The following GALNT18 variants were observed in gnomAD, a reference collection of about 807,000 sequenced individuals.
The protein encoded by GALNT18 is GalNAc-transferase 18.
A neutral mutation model predicts 69.5 loss-of-function variants in GALNT18; 44 were observed. The observed-to-expected ratio is 0.63, with a 90% CI of 0.50 to 0.81. GALNT18 has a LOEUF of 0.81. GALNT18 is among the 40% of genes least tolerant of loss of function. The probability of loss-of-function intolerance (pLI) is 0.00; values close to 1 mark genes in which losing one functional copy is unlikely to be tolerated. For synonymous variants in GALNT18, 364 were observed against 318.2 expected (o/e 1.14, Z -1.53); for missense variants, 715 against 810.0 (o/e 0.88, Z 1.42).
chr11:11,533,514 A>G (rs1857701184), intron 1 of GALNT18, among the ~76,000 whole-genome samples: 1 of 152,206 alleles, frequency 6.6e-6, no homozygotes, highest in African/African-American at 2.4e-5. Context: ...GTTCGCTCAG[A>G]GACAGACACA....
intron 1 of GALNT18, among the ~76,000 whole-genome samples, chr11:11,559,553 T>C (rs552894160): frequency 2.0e-5 from 3 of 152,006 alleles, no homozygotes; most frequent in Non-Finnish European, 2.9e-5. Context: ...TGGGATATGA[T>C]GGGATGGGAT....
chr11:11,321,355 C>G (rs1193593771), intron 9 of GALNT18, among the ~76,000 whole-genome samples: 1 of 152,174 alleles, frequency 6.6e-6, no homozygotes, highest in Admixed American at 6.5e-5. Context: ...TTAATGGTGA[C>G]TGTACAGTGT....
At chr11:11,419,884 T>A (rs2133772187) in intron 3 of GALNT18, among the ~76,000 whole-genome samples, 1 of 152,198 alleles carries the variant, frequency 6.6e-6, no homozygotes, top group Non-Finnish European at 1.5e-5. Flanking sequence ...CTGGAACACC[T>A]GTCTACTTGC....
chr11:11,570,116 G>A (rs1399651961), intron 1 of GALNT18: 1 of 152,324 alleles, frequency 6.6e-6, no homozygotes, highest in Non-Finnish European at 1.5e-5. Context: ...CTGGAAAAGA[G>A]AACTCCATCT....
At chr11:11,400,913 AGT>A (rs1854448578) in intron 3 of GALNT18, among the ~76,000 whole-genome samples, 1 of 152,076 alleles carries the variant, frequency 6.6e-6, no homozygotes, top group African/African-American at 2.4e-5. Flanking sequence ...TGATCCAAAG[AGT>A]GTTAAATTTT....
intron 8 of GALNT18, among the ~76,000 whole-genome samples, chr11:11,330,417 C>T (rs924853736): frequency 1.3e-5 from 2 of 152,198 alleles, no homozygotes; most frequent in Admixed American, 6.5e-5. Context: ...CAGCCAGTTG[C>T]CCCCATTAAG....
intron 6 of GALNT18, among the ~76,000 whole-genome samples, chr11:11,345,116 G>A (rs955682222): frequency 2.6e-5 from 4 of 152,144 alleles, no homozygotes; most frequent in Admixed American, 6.5e-5. Context: ...GGTACACAAC[G>A]CTCCCTTCTC....
chr11:11,554,956 C>T (rs2133974356), intron 1 of GALNT18, among the ~76,000 whole-genome samples: 1 of 152,334 alleles, frequency 6.6e-6, no homozygotes, highest in South Asian at 2.1e-4. Flanking sequence ...CCTGCGCAGC[C>T]TCCTGGGAAG....
intron 1 of GALNT18, among the ~76,000 whole-genome samples, chr11:11,483,391 C>T (rs1412279809): frequency 6.6e-6 from 1 of 152,214 alleles, no homozygotes; most frequent in African/African-American, 2.4e-5. Context: ...TCTGAAGTCT[C>T]CTCATCACAT....
At position 11,383,090 on chromosome 11, in the gene GALNT18, T is replaced by C. The variant is rs1200028364; in HGVS notation, c.596-3826A>G. ...TGGAGGGACCTCTGTAAACCAGCAC[T>C]ACCAGAAGCAGTGATGAAACACCAC... On this transcript the variant is annotated intron_variant, in intron 3 of 10. Transcript: ENST00000227756. The surrounding 1 kb of genome is among the most constrained non-coding windows in gnomAD (Gnocchi z 5.2). Among the ~76,000 whole-genome samples the C allele has an allele frequency of 6.6e-6, 1 of 152,166 alleles. No homozygotes were observed. The highest frequency in any genetic ancestry group is 2.4e-5 in the African/African-American group (1 of 41,434).
At chr11:11,570,610 C>T (rs538531994) in intron 1 of GALNT18, among the ~76,000 whole-genome samples, 1 of 152,342 alleles carries the variant, frequency 6.6e-6, no homozygotes, top group South Asian at 2.1e-4. Flanking sequence ...AAAGCTCCCC[C>T]TGGCCACCCC....
rs1420377095 is a variant in GALNT18 at position 11,496,629 on chromosome 11, G to A, written c.236-47693C>T. On this transcript the variant is annotated intron_variant, in intron 1 of 10. Coordinates refer to ENST00000227756, the MANE Select transcript of GALNT18 (RefSeq NM_198516.3). This position sits in a 1 kb window ranked among gnomAD's most constrained non-coding sequence, Gnocchi z 4.0. ...TGAAGGGCTACCACACAGAGGGTGG[G>A]AAGAAGGAAAGACTGCACCAGGAAG... Among the ~76,000 whole-genome samples the A allele has an allele frequency of 6.6e-6, 1 of 152,000 alleles. No homozygotes were observed. Among genetic ancestry groups the A allele is most frequent in the Non-Finnish European group, 1.5e-5 (1 of 68,000 alleles).
At position 11,550,697 on chromosome 11, in the gene GALNT18, C is replaced by T. The variant is rs967072910; in HGVS notation, c.235+70662G>A. Among the ~76,000 whole-genome samples the T allele has an allele frequency of 8.5e-5, 13 of 152,190 alleles. No homozygotes were observed. The East Asian group carries it at 9.6e-4, about 11-fold the overall frequency. ...AGCAGCATTATCCAACAGAACTTTC[C>T]GCAATGGAAATGGTCTAGATCTGCG... On this transcript the variant is annotated intron_variant, in intron 1 of 10. Transcript: ENST00000227756.
rs1245963448 is a variant in GALNT18 at position 11,415,528 on chromosome 11, A to T, written c.595+17093T>A. 6.6e-6 allele frequency among the ~76,000 whole-genome samples: 1 copy of T among 152,276 alleles called. No individual in the cohort carries two copies. The highest frequency in any genetic ancestry group is 2.1e-4 in the South Asian group (1 of 4,814). On this transcript the variant is annotated intron_variant, in intron 3 of 10. Coordinates refer to ENST00000227756, the MANE Select transcript of GALNT18 (RefSeq NM_198516.3). This position sits in a 1 kb window ranked among gnomAD's most constrained non-coding sequence, Gnocchi z 4.1. ...AAAAACAAAAAGAGTCTAGTGGGAA[A>T]TATGAGAAAGGAGAGGAGAGCCATA...
intron 3 of GALNT18, among the ~76,000 whole-genome samples, chr11:11,408,183 G>A (rs888771273): frequency 1.2e-4 from 18 of 151,958 alleles, no homozygotes; most frequent in African/African-American, 3.6e-4. Flanking sequence ...TGGTCAACTC[G>A]GTGAAACTCC....
At chr11:11,506,282 A>G (rs1857068491) in intron 1 of GALNT18, among the ~76,000 whole-genome samples, 1 of 152,230 alleles carries the variant, frequency 6.6e-6, no homozygotes. Flanking sequence ...TAAGCTATTC[A>G]TGTATTTTGC....
chr11:11,350,010 T>C (rs1418243488), intron 6 of GALNT18, among the ~76,000 whole-genome samples: 3 of 152,172 alleles, frequency 2.0e-5, no homozygotes, highest in South Asian at 4.1e-4. Flanking sequence ...TAACAAACAG[T>C]TGAAGCAGTT....
At chr11:11,335,713 T>G (rs1481959636) in intron 7 of GALNT18, among the ~76,000 whole-genome samples, 4 of 152,114 alleles carry the variant, frequency 2.6e-5, no homozygotes, top group African/African-American at 4.8e-5. Context: ...ACTGATATCT[T>G]TATAAGAGGA....
intron 1 of GALNT18, among the ~76,000 whole-genome samples, chr11:11,567,234 AG>A (rs1450137688): frequency 6.6e-6 from 1 of 152,176 alleles, no homozygotes; most frequent in Non-Finnish European, 1.5e-5. Context: ...CTGCTGACAA[AG>A]GTTAGCAGCA....
Sources: gnomAD v4.1 joint callset for allele counts (sites outside exome capture counted in the v4.1 genomes callset) on GRCh38, gnomAD v4.1.1 for gene constraint, Gnocchi (gnomAD v3.1) non-coding constraint, MANE v1.5 for transcripts, NCBI Gene and HGNC (gene_info 2026-07-23, HGNC 2026-07-21) for gene names.